Variants in SLC12A1 observed in about 807,000 individuals in gnomAD.
The protein encoded by SLC12A1 is solute carrier family 12 member 1.
Under a neutral mutation model 130.4 loss-of-function variants are expected in SLC12A1, and 89 were observed. The ratio of observed to expected loss-of-function variants is 0.68; its 90% CI spans 0.58 to 0.81. The LOEUF (loss-of-function observed/expected upper bound fraction) is 0.81. Among genes scored for constraint, SLC12A1 ranks in the 40% least tolerant of loss-of-function variants. The pLI, the probability that SLC12A1 is intolerant of heterozygous loss-of-function variation, is 0.00. For synonymous variants in SLC12A1, 499 were observed against 460.0 expected (o/e 1.08, Z -1.09); for missense variants, 1,310 against 1,336.4 (o/e 0.98, Z 0.31).
rs185801871 is a variant in SLC12A1, at chr15:48,280,106, T to G, written c.2486-5000T>G. Among the ~76,000 whole-genome samples, 31 of 151,150 alleles carry G rather than the reference T, an allele frequency of 2.1e-4. No homozygotes were observed. The East Asian group carries it at 5.5e-3, about 27-fold the overall frequency. The stretch of plus-strand genomic sequence containing the variant: ...GTGTCAGATAATTAACGACTCTCTA[T>G]CCTTAAGATTCAAAGCAGATTGTAA... On this transcript the variant is annotated intron_variant, in intron 20 of 26. Transcript: ENST00000380993.
At chr15:48,246,780 A>G (rs2041586241) in intron 11 of SLC12A1, 129 bp from the exon 12 acceptor site, 11 of 664,722 alleles carry the variant, frequency 1.7e-5, no homozygotes, top group South Asian at 1.6e-4. Context: ...ACTGTCTCAA[A>G]CAAACAACAA....
intron 17 of SLC12A1, among the ~76,000 whole-genome samples, chr15:48,262,620 G>A (rs1566846263): frequency 1.3e-5 from 2 of 152,116 alleles, no homozygotes; most frequent in South Asian, 2.1e-4. Flanking sequence ...TAAATTTGGG[G>A]ACCCATTCTA....
At chr15:48,245,039 A>G (rs2141055081) in intron 11 of SLC12A1, 135 bp downstream of exon 11, 2 of 840,164 alleles carry the variant, frequency 2.4e-6, no homozygotes, top group Non-Finnish European at 3.8e-6. Context: ...TCATGTGGAA[A>G]TGAAAGGAGT....
chr15:48,248,456 C>T (rs1208263602), intron 13 of SLC12A1, among the ~76,000 whole-genome samples: 2 of 152,240 alleles, frequency 1.3e-5, no homozygotes, highest in Non-Finnish European at 2.9e-5. Context: ...GTCTTGTATA[C>T]ATTAGATAAT....
chr15:48,207,573 A>G lies in SLC12A1; in HGVS notation c.-147A>G, dbSNP rs1424041813. 1 of 549,752 alleles carries G rather than the reference A, an allele frequency of 1.8e-6. No individual in the cohort carries two copies. The highest frequency in any genetic ancestry group is 3.0e-6 in the Non-Finnish European group (1 of 331,600). The allele number at this position is 549,752 out of a possible 1,614,324, so 34.1% of individuals were successfully genotyped here. ...CTGAAGATTATATCGGAGACAATATATCAAGAATCTATTTATTGAATCATC... is the reference window on the plus strand; with the variant it reads ...CTGAAGATTATATCGGAGACAATATGTCAAGAATCTATTTATTGAATCATC... On this transcript the variant is annotated 5_prime_UTR_variant, in exon 2 of 27. In the 5' UTR this introduces an upstream ATG that the reference lacks. Coordinates refer to ENST00000380993, the MANE Select transcript of SLC12A1 (RefSeq NM_000338.3).
intron 2 of SLC12A1, 146 bp from the exon 3 acceptor site, chr15:48,220,488 T>C: frequency 1.2e-6 from 1 of 830,392 alleles, no homozygotes; most frequent in Non-Finnish European, 1.8e-6. Context: ...AATATAAGTT[T>C]CATTAAAATT....
Position 48,258,340 on chromosome 15 carries a change from G to A in SLC12A1, c.2043-860G>A, listed in dbSNP as rs1034356554. 1.8e-5 allele frequency among the ~76,000 whole-genome samples: 2 copies of A among 111,264 alleles called. 1 individual carries two copies. The highest frequency in any genetic ancestry group is 5.6e-4 in the East Asian group (2 of 3,558). The allele number at this position is 111,264 out of a possible 152,430, so 73.0% of individuals were successfully genotyped here. ...CCCGCCACTGCACTCCAGCCTGGGC[G>A]ACAGAGCGAGACTCCGTCTCAAAAA... is the stretch of plus-strand genomic sequence containing the variant. On this transcript the variant is annotated intron_variant, in intron 16 of 26. Coordinates refer to ENST00000380993, the MANE Select transcript of SLC12A1 (RefSeq NM_000338.3).
At chr15:48,226,938 T>G in intron 5 of SLC12A1, 1 of 641,646 alleles carries the variant, frequency 1.6e-6, no homozygotes, top group Non-Finnish European at 2.8e-6. Context: ...TAGACCTTCA[T>G]GAAATGGGAT....
At chr15:48,232,567 C>T (rs1440624878) in intron 7 of SLC12A1, among the ~76,000 whole-genome samples, 160 bp from the exon 8 acceptor site, 3 of 152,150 alleles carry the variant, frequency 2.0e-5, no homozygotes, top group Non-Finnish European at 2.9e-5. Context: ...TATTTGCATG[C>T]CATTCTAATA....
At chr15:48,291,978 G>A in intron 24 of SLC12A1, 114 bp downstream of exon 24, 3 of 679,260 alleles carry the variant, frequency 4.4e-6, no homozygotes, top group East Asian at 5.7e-5. Flanking sequence ...CTTCTTGATA[G>A]GATCTAATAA....
At chr15:48,284,155 G>A (rs2042034637) in intron 20 of SLC12A1, among the ~76,000 whole-genome samples, 1 of 152,210 alleles carries the variant, frequency 6.6e-6, no homozygotes, top group Non-Finnish European at 1.5e-5. Context: ...TTTGAACTCT[G>A]ACAGGCACCC....
At chr15:48,267,787 G>A in intron 18 of SLC12A1, 86 bp downstream of exon 18, 1 of 1,431,180 alleles carries the variant, frequency 7.0e-7, no homozygotes. Flanking sequence ...AACAGCTGTA[G>A]TTAGGCAGCC....
intron 10 of SLC12A1, among the ~76,000 whole-genome samples, chr15:48,243,346 T>A (rs2041540055): frequency 6.6e-6 from 1 of 152,088 alleles, no homozygotes. Context: ...TTATTTAAAA[T>A]GGCTCTTTCA....
intron 5 of SLC12A1, chr15:48,228,750 T>C (rs2041327276): frequency 6.3e-6 from 1 of 159,718 alleles, no homozygotes; most frequent in African/African-American, 2.4e-5. Flanking sequence ...TTTACATATA[T>C]ACACAACAGA....
chr15:48,294,942 ACT>A (rs1443936467), intron 24 of SLC12A1, among the ~76,000 whole-genome samples: 1 of 91,926 alleles, frequency 1.1e-5, no homozygotes, highest in Non-Finnish European at 2.0e-5. Context: ...ACAGGGTCTC[ACT>A]CTGTCGTCTA....
intron 9 of SLC12A1, among the ~76,000 whole-genome samples, chr15:48,236,075 G>A (rs948392815): frequency 7.1e-6 from 1 of 140,540 alleles, no homozygotes; most frequent in Non-Finnish European, 1.5e-5. Context: ...ATATATCGGG[G>A]ACAATAAGCC....
chr15:48,249,616 C>T lies in SLC12A1; in HGVS notation c.1726C>T (p.Leu576=). The T allele has an allele frequency of 1.9e-6, 3 of 1,613,970 alleles. No individual in the cohort carries two copies. Among genetic ancestry groups the T allele is most frequent in the Non-Finnish European group, 2.5e-6 (3 of 1,179,866 alleles). Reference sequence around the variant, plus strand: ...TGCTCCCATCATCTCCAACTTTTTCCTGGCCTCATATGCACTTATTAATTT... The same window carrying T: ...TGCTCCCATCATCTCCAACTTTTTCTTGGCCTCATATGCACTTATTAATTT... ...TIAPIISNFF[L]ASYALINFSC... Residue 576 remains leucine (L), a synonymous_variant, in exon 14 of 27, where the codon CTG becomes TTG. Transcript: ENST00000380993.
At chr15:48,277,205 T>G (rs1204664068) in intron 20 of SLC12A1, among the ~76,000 whole-genome samples, 2 of 150,872 alleles carry the variant, frequency 1.3e-5, no homozygotes, top group African/African-American at 4.9e-5. Flanking sequence ...AGTGAAAAAA[T>G]TGAAGACGTA....
intron 20 of SLC12A1, among the ~76,000 whole-genome samples, chr15:48,284,347 T>A (rs554771789): frequency 6.6e-6 from 1 of 152,250 alleles, no homozygotes; most frequent in Non-Finnish European, 1.5e-5. Flanking sequence ...TTTCAATTCA[T>A]GAAGCATTGT....
Sources: allele counts gnomAD v4.1 joint callset (sites outside exome capture counted in the v4.1 genomes callset), GRCh38; gene constraint gnomAD v4.1.1; transcripts MANE v1.5; gene names NCBI Gene and HGNC (gene_info 2026-07-23, HGNC 2026-07-21).